FMN1: variants seen among roughly 807,000 people sequenced by gnomAD.
The protein encoded by FMN1 is formin-1.
Under a neutral mutation model 132.4 loss-of-function variants are expected in FMN1, and 110 were observed. The observed-to-expected ratio is 0.83, with a 90% CI of 0.71 to 0.97. The LOEUF (loss-of-function observed/expected upper bound fraction) is 0.97. Ranked by LOEUF, FMN1 falls within the 50% of genes least tolerant of loss-of-function variation. FMN1 has a pLI of 0.00. For missense variants in FMN1, 1,792 were observed against 1,705.3 expected (o/e 1.05, Z -0.90); for synonymous variants, 722 against 651.7 (o/e 1.11, Z -1.64).
At chr15:32,825,533 G>A (rs1475257016) in intron 17 of FMN1, among the ~76,000 whole-genome samples, 1 of 152,132 alleles carries the variant, frequency 6.6e-6, no homozygotes, top group Admixed American at 6.6e-5. Flanking sequence ...TTTAAAGTAG[G>A]TTTCTTAATA....
At chr15:33,017,726 A>G (rs1455969573) in intron 6 of FMN1, among the ~76,000 whole-genome samples, 1 of 152,224 alleles carries the variant, frequency 6.6e-6, no homozygotes, top group Non-Finnish European at 1.5e-5. Context: ...TCTCCAAGCC[A>G]CTAGTTTCTT....
At chr15:32,972,373 A>G (rs1465776987) in intron 7 of FMN1, among the ~76,000 whole-genome samples, 2 of 152,116 alleles carry the variant, frequency 1.3e-5, no homozygotes, top group Non-Finnish European at 2.9e-5. Flanking sequence ...TCGCAGCAGA[A>G]CTTTTTTGAA....
chr15:32,866,070 G>A (rs912113709), intron 16 of FMN1, among the ~76,000 whole-genome samples: 14 of 151,584 alleles, frequency 9.2e-5, no homozygotes, highest in Admixed American at 3.9e-4. Context: ...ACACAACGGG[G>A]CCTGTTGTGG....
chr15:32,829,347 A>G (rs1429749733), intron 17 of FMN1, among the ~76,000 whole-genome samples: 1 of 152,238 alleles, frequency 6.6e-6, no homozygotes, highest in Non-Finnish European at 1.5e-5. Context: ...AAATGCATGC[A>G]TCCAGGAGGA....
Position 32,804,281 on chromosome 15 carries a change from C to T in FMN1, c.3980G>A (p.Ser1327Asn). The T allele has an allele frequency of 1.3e-6, 2 of 1,565,814 alleles. No homozygotes were observed. The highest frequency in any genetic ancestry group is 1.9e-5 in the Admixed American group (1 of 53,130). The change falls in exon 18 of 21, where the codon AGT becomes AAT. Residue 1327 changes from serine to asparagine, a missense_variant and splice_region_variant. This residue lies in a region of FMN1 where 1,150 missense variants were observed against 1,043.1 expected (regional missense o/e 1.10). Transcript: ENST00000616417. ...CTGGGGCCAAATCAGAGCTGCTTACCTTTTCTGTGCATTCTCCAAGTGACT... is the reference window on the plus strand; with the variant it reads ...CTGGGGCCAAATCAGAGCTGCTTACTTTTTCTGTGCATTCTCCAAGTGACT... Reference protein sequence around the residue: ...EESHLENAQKSFETTVRYFGM... With the variant: ...EESHLENAQKNFETTVRYFGM...
chr15:33,139,403 A>G lies in FMN1; in HGVS notation c.1867+13645T>C, dbSNP rs190399432. ...CAAGGTCAGGAGATCCAGACTATCC[A>G]GGCTAACACAGTGAAACCCCGTCTC... On this transcript the variant is annotated intron_variant, in intron 4 of 20. Transcript: ENST00000616417. Among the ~76,000 whole-genome samples, 762 of 152,128 alleles carry G rather than the reference A, an allele frequency of 5.0e-3. 2 individuals are homozygous for G. Among genetic ancestry groups the G allele is most frequent in the Non-Finnish European group, 8.1e-3 (550 of 68,016 alleles).
At chr15:33,130,499 A>G (rs183326442) in intron 4 of FMN1, among the ~76,000 whole-genome samples, 1 of 152,266 alleles carries the variant, frequency 6.6e-6, no homozygotes, top group Non-Finnish European at 1.5e-5. Flanking sequence ...GGTTTAAAAA[A>G]TTAAGGTGAT....
intron 4 of FMN1, among the ~76,000 whole-genome samples, chr15:33,101,043 G>A (rs139310274): frequency 2.2e-4 from 34 of 152,046 alleles, no homozygotes; most frequent in Non-Finnish European, 3.7e-4. Context: ...ACTTTCTACC[G>A]TTTTTTCAAT....
At chr15:33,127,388 T>C (rs1016874997) in intron 4 of FMN1, among the ~76,000 whole-genome samples, 1 of 152,178 alleles carries the variant, frequency 6.6e-6, no homozygotes, top group African/African-American at 2.4e-5. Flanking sequence ...CCACCCACTT[T>C]ACCAGTCTCA....
intron 2 of FMN1, among the ~76,000 whole-genome samples, chr15:33,188,468 C>T (rs1965965364): frequency 6.6e-6 from 1 of 152,076 alleles, no homozygotes; most frequent in Non-Finnish European, 1.5e-5. Flanking sequence ...TCTCCCTTTC[C>T]TCTCTTCTGT....
At chr15:32,926,745 C>G (rs996574014) in intron 9 of FMN1, among the ~76,000 whole-genome samples, 12 of 152,126 alleles carry the variant, frequency 7.9e-5, no homozygotes, top group African/African-American at 2.7e-4. Flanking sequence ...GTGATAACCT[C>G]TATGAATTGA....
intron 17 of FMN1, among the ~76,000 whole-genome samples, chr15:32,841,207 G>A (rs1306734178): frequency 6.6e-6 from 1 of 152,126 alleles, no homozygotes; most frequent in African/African-American, 2.4e-5. Flanking sequence ...ATGCCTCTTG[G>A]ATATTGTCCA....
In FMN1 at chr15:32,768,532, C is replaced by G. The variant is rs562678818; in HGVS notation, c.*5778G>C. 3.2e-4 allele frequency: 48 copies of G among 152,272 alleles called. No homozygotes were observed. The highest frequency in any genetic ancestry group is 1.1e-3 in the African/African-American group (46 of 41,530). 9.4% of individuals were successfully genotyped at this position (152,272 alleles called of 1,614,324 possible). A position where few individuals can be genotyped will look rare whatever the true frequency, so the allele number is the denominator to read the frequency against. On this transcript the variant is annotated 3_prime_UTR_variant, in exon 21 of 21. Coordinates refer to ENST00000616417, the MANE Select transcript of FMN1 (RefSeq NM_001277313.2). ...TTCTCATAGTTTCAAAGGTAGAGAG[C>G]CCCTCAGTGTCTGCACAGGTAGAAT...
intron 4 of FMN1, among the ~76,000 whole-genome samples, chr15:33,108,090 G>A (rs1235889137): frequency 6.6e-6 from 1 of 152,048 alleles, no homozygotes; most frequent in Non-Finnish European, 1.5e-5. Context: ...TGATTTCTCT[G>A]GGAGAGCAAT....
intron 4 of FMN1, among the ~76,000 whole-genome samples, chr15:33,144,629 C>G (rs1964141836): frequency 1.8e-5 from 2 of 113,372 alleles, no homozygotes; most frequent in African/African-American, 6.5e-5. Context: ...CAGAGCTAGA[C>G]TCCGTCTGAA....
In FMN1 at chr15:33,089,107, G is replaced by C. The variant is rs1345265975; in HGVS notation, c.1868-133C>G. ...TTTGCTTTCTAAGTTATATTTTTAA[G>C]AGACTGCTTTCCTTTAAAAGTATTT... On this transcript the variant is annotated intron_variant, in intron 4 of 20. Coordinates refer to ENST00000616417, the MANE Select transcript of FMN1 (RefSeq NM_001277313.2). The C allele has an allele frequency of 8.2e-6, 6 of 728,492 alleles. No individual in the cohort carries two copies. In the South Asian group the frequency reaches 1.4e-4, roughly 17 times the overall value. 45.1% of individuals were successfully genotyped at this position (728,492 alleles called of 1,614,324 possible).
At chr15:33,155,840 GGCT>G (rs1369624572) in intron 3 of FMN1, among the ~76,000 whole-genome samples, 1 of 152,104 alleles carries the variant, frequency 6.6e-6, no homozygotes, top group African/African-American at 2.4e-5. Flanking sequence ...TAGTGAAGGT[GGCT>G]GCTTCCTTGT....
At chr15:32,924,935 C>G (rs2060921483) in intron 10 of FMN1, among the ~76,000 whole-genome samples, 1 of 151,992 alleles carries the variant, frequency 6.6e-6, no homozygotes, top group Non-Finnish European at 1.5e-5. Flanking sequence ...AAACCAAAAA[C>G]CAAAAAAACC....
intron 4 of FMN1, among the ~76,000 whole-genome samples, chr15:33,117,100 G>T (rs1463826635): frequency 6.6e-6 from 1 of 152,000 alleles, no homozygotes; most frequent in African/African-American, 2.4e-5. Flanking sequence ...TCAGATCCAG[G>T]TAAATCACTT....
Sources: gnomAD v4.1 joint callset for allele counts (sites outside exome capture counted in the v4.1 genomes callset) on GRCh38, gnomAD v4.1.1 for gene constraint, gnomAD v4.1.1 regional missense constraint, MANE v1.5 for transcripts, NCBI Gene and HGNC (gene_info 2026-07-23, HGNC 2026-07-21) for gene names.